ZDHHC20: variants seen among roughly 807,000 people sequenced by gnomAD.
The protein encoded by ZDHHC20 is zDHHC palmitoyltransferase 20.
ZDHHC20 carries 43 observed loss-of-function variants against 57.8 expected under a neutral mutation model. That is an observed-to-expected ratio of 0.74 (90% CI 0.58 to 0.96). The LOEUF is 0.96. Among genes scored for constraint, ZDHHC20 ranks in the 40% least tolerant of loss-of-function variants. ZDHHC20 has a pLI of 0.00. For missense variants in ZDHHC20, 391 were observed against 441.1 expected (o/e 0.89, Z 1.02); for synonymous variants, 157 against 153.0 (o/e 1.03, Z -0.19).
intron 2 of ZDHHC20, among the ~76,000 whole-genome samples, chr13:21,421,528 T>C (rs1184745120): frequency 6.6e-6 from 1 of 152,198 alleles, no homozygotes; most frequent in Non-Finnish European, 1.5e-5. Flanking sequence ...TCTATTACTA[T>C]GAACATTACA....
intron 8 of ZDHHC20, among the ~76,000 whole-genome samples, chr13:21,390,735 A>G (rs1758064925): frequency 6.6e-6 from 1 of 152,070 alleles, no homozygotes; most frequent in African/African-American, 2.4e-5. Flanking sequence ...CCCCATCTCC[A>G]TAAGAAATAA....
chr13:21,413,677 A>T lies in ZDHHC20; in HGVS notation c.345T>A (p.Pro115=). 6.2e-7 allele frequency: 1 copy of T among 1,609,262 alleles called. No homozygotes were observed. Among genetic ancestry groups the T allele is most frequent in the Non-Finnish European group, 8.5e-7 (1 of 1,179,064 alleles). ...TTTTTGAAGCTGATGTGGTATAGAT[A>T]GGTAAAGCTCTTGCTGCTCTTCTCA... ...EILRRAARAL[P]IYTTSASKTI... is the part of the protein sequence containing the mutation. Residue 115 remains proline, a synonymous_variant, in exon 4 of 13, where the codon CCT becomes CCA. Coordinates refer to ENST00000400590, the MANE Select transcript of ZDHHC20 (RefSeq NM_001330059.2).
intron 1 of ZDHHC20, among the ~76,000 whole-genome samples, chr13:21,444,483 T>C (rs1438213461): frequency 6.6e-6 from 1 of 152,140 alleles, no homozygotes; most frequent in East Asian, 1.9e-4. Flanking sequence ...TATTAGAATA[T>C]CCTTTTATAA....
chr13:21,398,336 T>C (rs986228166), intron 7 of ZDHHC20, among the ~76,000 whole-genome samples: 2 of 151,790 alleles, frequency 1.3e-5, no homozygotes, highest in Admixed American at 6.6e-5. Context: ...AGGTGCCGGG[T>C]GCCTGTAGTC....
At chr13:21,443,487 C>CT (rs1883376580) in intron 1 of ZDHHC20, among the ~76,000 whole-genome samples, 1 of 152,198 alleles carries the variant, frequency 6.6e-6, no homozygotes, top group Non-Finnish European at 1.5e-5. Flanking sequence ...CACATATAAA[C>CT]TGTGGTTTCA....
intron 7 of ZDHHC20, among the ~76,000 whole-genome samples, chr13:21,392,213 A>T (rs796761012): frequency 1.4e-4 from 16 of 115,538 alleles, no homozygotes; most frequent in African/African-American, 4.5e-4. Flanking sequence ...CCTGTCTCAT[A>T]AAAAAAAAAA....
intron 1 of ZDHHC20, 152 bp from the exon 2 acceptor site, chr13:21,425,830 TA>T (rs1566098515): frequency 3.2e-6 from 1 of 314,620 alleles, no homozygotes; most frequent in East Asian, 1.7e-4. Context: ...AAATTGCACT[TA>T]AAAAACTCCA....
chr13:21,444,466 A>T (rs1194050976), intron 1 of ZDHHC20, among the ~76,000 whole-genome samples: 1 of 152,210 alleles, frequency 6.6e-6, no homozygotes, highest in Non-Finnish European at 1.5e-5. Context: ...TATGTCTCAT[A>T]CTTTGATATT....
chr13:21,373,293 A>G lies in ZDHHC20; in HGVS notation c.*3403T>C, dbSNP rs1438884739. Reference sequence around the variant, plus strand: ...CCCTTAATATACATCTACTTTAAAGATAACTGAAAGATCTCACATGCCTGA... The same window carrying G: ...CCCTTAATATACATCTACTTTAAAGGTAACTGAAAGATCTCACATGCCTGA... On this transcript the variant is annotated 3_prime_UTR_variant, in exon 13 of 13. Transcript: ENST00000400590. 1.3e-5 allele frequency: 2 copies of G among 152,222 alleles called. No individual in the cohort carries two copies. Among genetic ancestry groups the G allele is most frequent in the Non-Finnish European group, 2.9e-5 (2 of 68,026 alleles). 9.4% of individuals were successfully genotyped at this position (152,222 alleles called of 1,614,324 possible).
intron 7 of ZDHHC20, among the ~76,000 whole-genome samples, chr13:21,393,911 A>T (rs1230432547): frequency 6.6e-6 from 1 of 152,142 alleles, no homozygotes; most frequent in Non-Finnish European, 1.5e-5. Context: ...AATATTGAAA[A>T]CAAACAAACA....
intron 7 of ZDHHC20, among the ~76,000 whole-genome samples, chr13:21,397,264 T>G (rs1276061636): frequency 6.6e-6 from 1 of 151,474 alleles, no homozygotes; most frequent in Admixed American, 6.6e-5. Flanking sequence ...AAGTGGAGGT[T>G]GCAGTGAGCC....
chr13:21,404,030 G>C (rs987303306), intron 4 of ZDHHC20, among the ~76,000 whole-genome samples: 4 of 152,122 alleles, frequency 2.6e-5, no homozygotes, highest in Non-Finnish European at 4.4e-5. Context: ...CCTGAGGTGT[G>C]AGTATGCTTG....
At chr13:21,405,465 T>A (rs1878311521) in intron 4 of ZDHHC20, among the ~76,000 whole-genome samples, 1 of 152,186 alleles carries the variant, frequency 6.6e-6, no homozygotes, top group South Asian at 2.1e-4. Context: ...CCAAGTTCTG[T>A]CTCACTCACC....
rs1871950889 is a variant in ZDHHC20, at chr13:21,375,564, A to C, written c.*1132T>G. The C allele has an allele frequency of 6.4e-6, 1 of 155,388 alleles. No homozygotes were observed. Among genetic ancestry groups the C allele is most frequent in the South Asian group, 1.9e-4 (1 of 5,228 alleles). The allele number at this position is 155,388 out of a possible 1,614,324, so 9.6% of individuals were successfully genotyped here. On this transcript the variant is annotated 3_prime_UTR_variant, in exon 13 of 13. Transcript: ENST00000400590. The stretch of plus-strand genomic sequence containing the variant: ...CTAAGAGTAGAATCCACTTCTCAAG[A>C]GACTGGGAATGTAAAATGACCACTC...
At chr13:21,432,330 A>AC (rs1882053348) in intron 1 of ZDHHC20, among the ~76,000 whole-genome samples, 1 of 130,078 alleles carries the variant, frequency 7.7e-6, no homozygotes, top group African/African-American at 2.7e-5. Context: ...GTGTCCCACT[A>AC]ATTTTTTTTT....
chr13:21,389,612 T>C (rs1875274970), intron 8 of ZDHHC20, among the ~76,000 whole-genome samples: 1 of 152,124 alleles, frequency 6.6e-6, no homozygotes, highest in Non-Finnish European at 1.5e-5. Flanking sequence ...GAATAGCAGG[T>C]TCCCTAGAAA....
intron 9 of ZDHHC20, among the ~76,000 whole-genome samples, chr13:21,384,457 C>CAAAAAAAA (rs11358320): frequency 1.3e-5 from 1 of 76,140 alleles, no homozygotes; most frequent in Non-Finnish European, 2.4e-5. Flanking sequence ...ACTCTATCTC[C>CAAAAAAAA]AAAAAAAAAA....
At chr13:21,439,224 G>A (rs1274448294) in intron 1 of ZDHHC20, among the ~76,000 whole-genome samples, 1 of 152,222 alleles carries the variant, frequency 6.6e-6, no homozygotes, top group Non-Finnish European at 1.5e-5. Context: ...CCTTGGCCGA[G>A]TGCAGTGGCT....
intron 1 of ZDHHC20, among the ~76,000 whole-genome samples, chr13:21,445,794 T>C (rs1489994857): frequency 1.3e-5 from 2 of 152,086 alleles, no homozygotes; most frequent in South Asian, 2.1e-4. Flanking sequence ...AATAACTGTA[T>C]GTCAAGTAAT....
Sources: allele counts gnomAD v4.1 joint callset (sites outside exome capture counted in the v4.1 genomes callset), GRCh38; gene constraint gnomAD v4.1.1; transcripts MANE v1.5; gene names NCBI Gene and HGNC (gene_info 2026-07-23, HGNC 2026-07-21).